SLC45A4: variants seen among roughly 807,000 people sequenced by gnomAD.
SLC45A4 encodes solute carrier family 45 member 4.
SLC45A4 carries 32 observed loss-of-function variants against 63.7 expected under a neutral mutation model. The ratio of observed to expected loss-of-function variants is 0.50; its 90% CI spans 0.38 to 0.67. SLC45A4 has a LOEUF of 0.67. SLC45A4 is among the 30% of genes least tolerant of loss of function. The pLI, the probability that SLC45A4 is intolerant of heterozygous loss-of-function variation, is 0.00. For synonymous variants in SLC45A4, 535 were observed against 510.0 expected (o/e 1.05, Z -0.66); for missense variants, 1,027 against 1,157.7 (o/e 0.89, Z 1.64).
intron 2 of SLC45A4, among the ~76,000 whole-genome samples, chr8:141,235,981 G>A (rs565966459): frequency 6.6e-6 from 1 of 152,274 alleles, no homozygotes; most frequent in East Asian, 1.9e-4. Context: ...GTATGTGCCT[G>A]TAATCCCGGC....
chr8:141,225,437 G>A (rs1826917638), intron 2 of SLC45A4: 1 of 152,298 alleles, frequency 6.6e-6, no homozygotes, highest in African/African-American at 2.4e-5. Flanking sequence ...GTTAAAAGCG[G>A]TGCCAAGAGA....
Position 141,218,086 on chromosome 8 carries a change from G to A in SLC45A4, c.1554C>T (p.Thr518=). 1 of 1,612,900 alleles carries A rather than the reference G, an allele frequency of 6.2e-7. No homozygotes were observed. The change falls in exon 5 of 9, where the codon ACC becomes ACT. Residue 518 remains threonine (T), a synonymous_variant. Transcript: ENST00000517878. The stretch of plus-strand genomic sequence containing the variant: ...CGGCCTCGGCGATGACAGAGAACCA[G>A]GTGAGGAGGTGGCAGAGGCACAGCC... ...LMRLCLCHLL[T]WFSVIAEAVF...
In SLC45A4 at chr8:141,211,433, C is replaced by T; in HGVS notation, c.*139G>A. The T allele has an allele frequency of 6.4e-7, 1 of 1,562,640 alleles. No individual in the cohort carries two copies. The highest frequency in any genetic ancestry group is 8.7e-7 in the Non-Finnish European group (1 of 1,155,146). On this transcript the variant is annotated 3_prime_UTR_variant, in exon 9 of 9. Coordinates refer to ENST00000517878, the MANE Select transcript of SLC45A4 (RefSeq NM_001286646.2). ...CCTGGGCAGGGTGTCTGGGAGCCACCCCTGCAAATCACTGTCTTCTGCCCA... is the reference window on the plus strand; with the variant it reads ...CCTGGGCAGGGTGTCTGGGAGCCACTCCTGCAAATCACTGTCTTCTGCCCA...
In SLC45A4 at chr8:141,207,986, G is replaced by C. The variant is rs1825610594; in HGVS notation, c.*3586C>G. ...CGACAGGCCTGTGGCACCAGGCTTGGAGGCAGGGAGCTGGTGTCTCTCAGA... is the reference window on the plus strand; with the variant it reads ...CGACAGGCCTGTGGCACCAGGCTTGCAGGCAGGGAGCTGGTGTCTCTCAGA... On this transcript the variant is annotated 3_prime_UTR_variant, in exon 9 of 9. Coordinates refer to ENST00000517878, the MANE Select transcript of SLC45A4 (RefSeq NM_001286646.2). 1 of 152,388 alleles carries C rather than the reference G, an allele frequency of 6.6e-6. No homozygotes were observed. The highest frequency in any genetic ancestry group is 6.5e-5 in the Admixed American group (1 of 15,288). 9.4% of individuals were successfully genotyped at this position (152,388 alleles called of 1,614,324 possible). A position where few individuals can be genotyped will look rare whatever the true frequency, so the allele number is the denominator to read the frequency against.
intron 1 of SLC45A4, among the ~76,000 whole-genome samples, chr8:141,271,157 G>A (rs1052567140): frequency 1.3e-5 from 2 of 152,232 alleles, no homozygotes; most frequent in African/African-American, 4.8e-5. Context: ...CACACATTAT[G>A]GCTAGGAAAT....
chr8:141,211,333 G>A lies in SLC45A4; in HGVS notation c.*239C>T, dbSNP rs547895230. On this transcript the variant is annotated 3_prime_UTR_variant, in exon 9 of 9. Coordinates refer to ENST00000517878, the MANE Select transcript of SLC45A4 (RefSeq NM_001286646.2). ...GACGAGCGGGGTCACATGGCTGGGCGCAGACACACTCACACGCGCACGCAG... is the reference window on the plus strand; with the variant it reads ...GACGAGCGGGGTCACATGGCTGGGCACAGACACACTCACACGCGCACGCAG... 1.8e-5 allele frequency: 24 copies of A among 1,302,626 alleles called. No individual in the cohort carries two copies. Among genetic ancestry groups the A allele is most frequent in the East Asian group, 7.7e-5 (3 of 38,944 alleles). 80.7% of individuals were successfully genotyped at this position (1,302,626 alleles called of 1,614,324 possible).
chr8:141,295,771 GAACGTGATGAGA>G (rs1830525857), intron 1 of SLC45A4, among the ~76,000 whole-genome samples: 1 of 152,216 alleles, frequency 6.6e-6, no homozygotes, highest in Non-Finnish European at 1.5e-5. Flanking sequence ...CTGGTTGAGT[GAACGTGATGAGA>G]AAAAACAACT....
At chr8:141,266,775 T>G (rs1362642955) in intron 1 of SLC45A4, among the ~76,000 whole-genome samples, 1 of 152,234 alleles carries the variant, frequency 6.6e-6, no homozygotes, top group Non-Finnish European at 1.5e-5. Context: ...CATGCCTGGC[T>G]GGGCAGGAAG....
chr8:141,245,231 G>C, intron 2 of SLC45A4, among the ~76,000 whole-genome samples: 1 of 152,204 alleles, frequency 6.6e-6, no homozygotes, highest in Middle Eastern at 3.2e-3. Flanking sequence ...GCTGAGATAA[G>C]TAAGGCTACA....
intron 1 of SLC45A4, among the ~76,000 whole-genome samples, chr8:141,268,398 C>A (rs978186155): frequency 6.6e-6 from 1 of 152,158 alleles, no homozygotes; most frequent in Non-Finnish European, 1.5e-5. Context: ...CATTTGCCAA[C>A]CTACTGGAGC....
chr8:141,303,065 T>G (rs937676625), intron 1 of SLC45A4, among the ~76,000 whole-genome samples: 12 of 146,454 alleles, frequency 8.2e-5, no homozygotes, highest in African/African-American at 3.0e-4. Context: ...GGGTGTGATC[T>G]CCCCTCACTG....
At chr8:141,279,543 G>A (rs1028908463) in intron 1 of SLC45A4, among the ~76,000 whole-genome samples, 6 of 152,240 alleles carry the variant, frequency 3.9e-5, no homozygotes, top group Non-Finnish European at 7.3e-5. Flanking sequence ...GCCTTCAGTT[G>A]TAAACCGACA....
chr8:141,267,996 A>G (rs1462011343), intron 1 of SLC45A4, among the ~76,000 whole-genome samples: 1 of 152,254 alleles, frequency 6.6e-6, no homozygotes, highest in African/African-American at 2.4e-5. Context: ...TTATGTCCAC[A>G]CAAAAACCTG....
At chr8:141,274,477 T>G (rs1441681198) in intron 1 of SLC45A4, among the ~76,000 whole-genome samples, 2 of 141,136 alleles carry the variant, frequency 1.4e-5, no homozygotes, top group African/African-American at 5.4e-5. Context: ...GAGGTTGCAG[T>G]GAGCCGCGAT....
chr8:141,292,232 A>G (rs1830374147), intron 1 of SLC45A4, among the ~76,000 whole-genome samples: 3 of 152,196 alleles, frequency 2.0e-5, no homozygotes. Context: ...ACCTGCATAC[A>G]TCCCCGACCA....
intron 1 of SLC45A4, among the ~76,000 whole-genome samples, chr8:141,305,705 C>A (rs1830875691): frequency 6.6e-6 from 1 of 152,190 alleles, no homozygotes; most frequent in Non-Finnish European, 1.5e-5. Flanking sequence ...GCGTCAGGAC[C>A]CTCGGGAAGA....
At chr8:141,225,189 A>G (rs1826899130) in intron 2 of SLC45A4, 1 of 152,212 alleles carries the variant, frequency 6.6e-6, no homozygotes, top group African/African-American at 2.4e-5. Flanking sequence ...TTTTTAAAAA[A>G]AACATGTCTA....
Position 141,308,122 on chromosome 8 carries a change from G to C in SLC45A4, c.-427C>G, listed in dbSNP as rs1830960737. On this transcript the variant is annotated 5_prime_UTR_variant, in exon 1 of 9. Transcript: ENST00000517878. Reference sequence around the variant, plus strand: ...TGTCTCCTCCGGCCGGGGCCGCGGGGGCGGCGGGGCGGCCGGGCCGGGCCG... The same window carrying C: ...TGTCTCCTCCGGCCGGGGCCGCGGGCGCGGCGGGGCGGCCGGGCCGGGCCG... 6.7e-6 allele frequency: 1 copy of C among 148,174 alleles called. No individual in the cohort carries two copies. Among genetic ancestry groups the C allele is most frequent in the Non-Finnish European group, 1.5e-5 (1 of 66,238 alleles). 9.2% of individuals were successfully genotyped at this position (148,174 alleles called of 1,614,324 possible).
chr8:141,257,807 G>C (rs951122563), intron 1 of SLC45A4, among the ~76,000 whole-genome samples: 1 of 152,150 alleles, frequency 6.6e-6, no homozygotes, highest in Non-Finnish European at 1.5e-5. Context: ...ACAGTGCACA[G>C]AACAGCCTCC....
Sources: gnomAD v4.1 joint callset for allele counts (sites outside exome capture counted in the v4.1 genomes callset) on GRCh38, gnomAD v4.1.1 for gene constraint, MANE v1.5 for transcripts, NCBI Gene and HGNC (gene_info 2026-07-23, HGNC 2026-07-21) for gene names.